Variants in SIPA1L2 observed in about 807,000 individuals in gnomAD.
The protein encoded by SIPA1L2 is signal induced proliferation associated 1 like 2, also known as signal-induced proliferation-associated 1-like protein 2.
A neutral mutation model predicts 163.9 loss-of-function variants in SIPA1L2; 56 were observed. The ratio of observed to expected loss-of-function variants is 0.34; its 90% CI spans 0.28 to 0.43. The LOEUF is 0.43. SIPA1L2 is among the 20% of genes least tolerant of loss of function. SIPA1L2 has a pLI of 1.00. For missense variants in SIPA1L2, 1,974 were observed against 2,193.5 expected (o/e 0.90, Z 2.00); for synonymous variants, 877 against 865.7 (o/e 1.01, Z -0.23).
intron 19 of SIPA1L2, among the ~76,000 whole-genome samples, chr1:232,407,236 T>C (rs116512219): frequency 0.012 from 1,788 of 152,358 alleles, 20 homozygotes; most frequent in Admixed American, 0.033. Flanking sequence ...AATTTGACTT[T>C]GCATTTTTCA....
intron 19 of SIPA1L2, among the ~76,000 whole-genome samples, chr1:232,414,313 G>A (rs554899986): frequency 2.6e-5 from 4 of 152,288 alleles, no homozygotes; most frequent in African/African-American, 9.6e-5. Context: ...AGGACCAGAG[G>A]CACTGATACC....
chr1:232,480,451 CT>C (rs1395028775), intron 6 of SIPA1L2, among the ~76,000 whole-genome samples: 1 of 152,056 alleles, frequency 6.6e-6, no homozygotes, highest in African/African-American at 2.4e-5. Flanking sequence ...ATTTGAACCC[CT>C]ATTAATCATA....
intron 1 of SIPA1L2, among the ~76,000 whole-genome samples, 140 bp from the exon 2 acceptor site, chr1:232,574,362 T>C (rs1659963949): frequency 6.6e-6 from 1 of 152,098 alleles, no homozygotes; most frequent in Non-Finnish European, 1.5e-5. Flanking sequence ...ATTTATCTTT[T>C]CTACTCTTCT....
At chr1:232,554,044 G>A (rs992862141) in intron 2 of SIPA1L2, among the ~76,000 whole-genome samples, 5 of 152,212 alleles carry the variant, frequency 3.3e-5, no homozygotes, top group African/African-American at 1.2e-4. Context: ...AACTACTGCA[G>A]GAGGCAAGAT....
At chr1:232,526,633 C>A (rs1327170051) in intron 2 of SIPA1L2, among the ~76,000 whole-genome samples, 1 of 152,210 alleles carries the variant, frequency 6.6e-6, no homozygotes, top group Non-Finnish European at 1.5e-5. Context: ...CTGCCGTAAC[C>A]CACTGCTTGA....
Position 232,398,112 on chromosome 1 carries a change from C to T in SIPA1L2, c.*1015G>A, listed in dbSNP as rs1660128954. 6.5e-6 allele frequency: 1 copy of T among 152,674 alleles called. No homozygotes were observed. The highest frequency in any genetic ancestry group is 2.4e-5 in the African/African-American group (1 of 41,468). 9.5% of individuals were successfully genotyped at this position (152,674 alleles called of 1,614,324 possible). A position where few individuals can be genotyped will look rare whatever the true frequency, so the allele number is the denominator to read the frequency against. ...AGAATCTCTCACCCTGCTTCTCGGT[C>T]TGATCTGTGCAAGCTCAGTCTCTTC... On this transcript the variant is annotated 3_prime_UTR_variant, in exon 23 of 23. Transcript: ENST00000674635.
At chr1:232,628,556 G>GTAAC (rs375258715) in intron 1 of SIPA1L2, among the ~76,000 whole-genome samples, 237 of 152,280 alleles carry the variant, frequency 1.6e-3, no homozygotes, top group African/African-American at 5.3e-3. Context: ...ACTAAATACA[G>GTAAC]TAACCAAGTT....
In SIPA1L2 at chr1:232,443,046, A is replaced by T. The variant is rs547423575; in HGVS notation, c.3437+556T>A. On this transcript the variant is annotated intron_variant, in intron 12 of 22. Coordinates refer to ENST00000674635, the MANE Select transcript of SIPA1L2 (RefSeq NM_020808.5). ...AGCACCAAGTCACAGTGGCCCCAGC[A>T]GACCACTCCTCAGGAGCGCACCCTG... 1.3e-4 allele frequency among the ~76,000 whole-genome samples: 20 copies of T among 152,300 alleles called. No individual in the cohort carries two copies. In the East Asian group the frequency reaches 3.7e-3, roughly 28 times the overall value.
intron 1 of SIPA1L2, among the ~76,000 whole-genome samples, chr1:232,612,169 G>A (rs1043646539): frequency 1.1e-4 from 17 of 152,218 alleles, no homozygotes; most frequent in African/African-American, 3.1e-4. Context: ...CCTAGATTTC[G>A]CAGGATGTAT....
At chr1:232,585,812 A>G (rs1573126836) in intron 1 of SIPA1L2, among the ~76,000 whole-genome samples, 2 of 152,214 alleles carry the variant, frequency 1.3e-5, no homozygotes, top group South Asian at 2.1e-4. Flanking sequence ...GCAACAGCAG[A>G]AAGTCAAGAT....
intron 3 of SIPA1L2, among the ~76,000 whole-genome samples, chr1:232,497,698 G>A (rs1666268284): frequency 6.6e-6 from 1 of 152,156 alleles, no homozygotes; most frequent in Non-Finnish European, 1.5e-5. Flanking sequence ...CCTTCCAGGT[G>A]AGATTGCTTT....
At chr1:232,455,076 C>T (rs1663814633) in intron 10 of SIPA1L2, among the ~76,000 whole-genome samples, 1 of 152,158 alleles carries the variant, frequency 6.6e-6, no homozygotes, top group Admixed American at 6.5e-5. Flanking sequence ...TTCTATAATC[C>T]TATGTTCTTA....
At chr1:232,399,710 T>C (rs540631964) in intron 22 of SIPA1L2, among the ~76,000 whole-genome samples, 1 of 152,302 alleles carries the variant, frequency 6.6e-6, no homozygotes, top group Admixed American at 6.5e-5. Flanking sequence ...CCATCAAGCT[T>C]TCCTGCTATA....
rs1167244998 is a variant in SIPA1L2 at position 232,506,839 on chromosome 1, A to T, written c.1483+7018T>A. On this transcript the variant is annotated intron_variant, in intron 3 of 22. Coordinates refer to ENST00000674635, the MANE Select transcript of SIPA1L2 (RefSeq NM_020808.5). ...TACAAATTCTTTCTTCTTGTCTTAA[A>T]GAAATAGATCATAATTTTAAATATA... 3.9e-5 allele frequency among the ~76,000 whole-genome samples: 6 copies of T among 152,246 alleles called. No homozygotes were observed. The South Asian group carries it at 1.2e-3, about 31-fold the overall frequency.
rs374616161 is a variant in SIPA1L2, at chr1:232,465,451, G to A, written c.2244-35C>T. 4.4e-5 allele frequency: 68 copies of A among 1,549,508 alleles called. No individual in the cohort carries two copies. In the African/African-American group the frequency reaches 8.6e-4, roughly 20 times the overall value. ...TAAAAACAGAAACAAAATGAGATGA[G>A]CTATGATACCATAATATGTATCTTT... On this transcript the variant is annotated intron_variant, in intron 8 of 22. Transcript: ENST00000674635. The surrounding 1 kb of genome is among the most constrained non-coding windows in gnomAD (Gnocchi z 4.1).
chr1:232,627,464 G>C lies in SIPA1L2; in HGVS notation c.-319+2405C>G, dbSNP rs555144040. Reference sequence around the variant, plus strand: ...GTAAAAAGATCCCCAAGGTGGACAAGTGTTTACTAAGCTCAGGTATCAAGG... The same window carrying C: ...GTAAAAAGATCCCCAAGGTGGACAACTGTTTACTAAGCTCAGGTATCAAGG... On this transcript the variant is annotated intron_variant, in intron 1 of 22. Coordinates refer to ENST00000674635, the MANE Select transcript of SIPA1L2 (RefSeq NM_020808.5). Among the ~76,000 whole-genome samples the C allele has an allele frequency of 1.8e-3, 269 of 152,006 alleles. 1 individual carries two copies. The highest frequency in any genetic ancestry group is 2.7e-3 in the South Asian group (13 of 4,816).
intron 22 of SIPA1L2, among the ~76,000 whole-genome samples, chr1:232,401,305 G>A (rs1405183735): frequency 1.3e-5 from 2 of 152,120 alleles, no homozygotes; most frequent in African/African-American, 4.8e-5. Context: ...TGGGACAGCT[G>A]GTCACCCAAG....
At chr1:232,443,193 C>A (rs1468089246) in intron 12 of SIPA1L2, among the ~76,000 whole-genome samples, 1 of 152,194 alleles carries the variant, frequency 6.6e-6, no homozygotes, top group Non-Finnish European at 1.5e-5. Context: ...TGCGTGGATA[C>A]TATAAAGGGC....
Position 232,478,993 on chromosome 1 carries a change from GTAAGA to G in SIPA1L2, c.2085+629_2085+633del, listed in dbSNP as rs1008179258. Among the ~76,000 whole-genome samples, 88 of 152,182 alleles carry G rather than the reference GTAAGA, an allele frequency of 5.8e-4. 1 individual carries two copies. The highest frequency in any genetic ancestry group is 2.1e-3 in the African/African-American group (87 of 41,530). ...ACAAAGCATTTCAACTATTTCTAGC[GTAAGA>G]TAAAAATGGCCATAATTTCTAGTAA... On this transcript the variant is annotated intron_variant, in intron 7 of 22. Transcript: ENST00000674635.
Sources: allele counts gnomAD v4.1 joint callset (sites outside exome capture counted in the v4.1 genomes callset), GRCh38; gene constraint gnomAD v4.1.1; non-coding constraint Gnocchi (gnomAD v3.1); transcripts MANE v1.5; gene names NCBI Gene and HGNC (gene_info 2026-07-23, HGNC 2026-07-21).